The following SWT1 variants were observed in gnomAD, a reference collection of about 807,000 sequenced individuals.
The protein encoded by SWT1 is transcriptional protein SWT1.
SWT1 carries 33 observed loss-of-function variants against 107.3 expected under a neutral mutation model. The observed-to-expected ratio is 0.31, with a 90% CI of 0.23 to 0.41. SWT1 has a LOEUF of 0.41. SWT1 is among the 10% of genes least tolerant of loss of function. The pLI, the probability that SWT1 is intolerant of heterozygous loss-of-function variation, is 1.00. For synonymous variants in SWT1, 345 were observed against 348.3 expected (o/e 0.99, Z 0.11); for missense variants, 898 against 1,028.9 (o/e 0.87, Z 1.74).
chr1:185,200,309 C>G (rs553026689), intron 10 of SWT1, among the ~76,000 whole-genome samples: 25 of 152,132 alleles, frequency 1.6e-4, no homozygotes, highest in African/African-American at 5.3e-4. Context: ...AGTTGTGATC[C>G]TTTGGAGGAG....
intron 16 of SWT1, among the ~76,000 whole-genome samples, chr1:185,246,576 C>T (rs986754376): frequency 1.3e-5 from 2 of 149,598 alleles, no homozygotes; most frequent in African/African-American, 4.9e-5. Context: ...AGCACCTGGC[C>T]ATATCCTTTA....
intron 18 of SWT1, chr1:185,281,414 ATGAGACATCAAAGACACTACCG>A: frequency 4.4e-6 from 1 of 226,178 alleles, no homozygotes; most frequent in Non-Finnish European, 9.1e-6. Flanking sequence ...AACACTTGTT[ATGAGACATCAAAGACACTACCG>A]TGGGTACTCT....
In SWT1 at chr1:185,222,762, CAAAAAAA is replaced by C. The variant is rs59515070; in HGVS notation, c.2309+745_2309+751del. ...TGGGTGACAAAGCAAGACGCCATCT[CAAAAAAA>C]AAAAAAAAAAAAAAAAAATCAAAAG... is the stretch of plus-strand genomic sequence containing the variant. On this transcript the variant is annotated intron_variant, in intron 15 of 18. Coordinates refer to ENST00000367500, the MANE Select transcript of SWT1 (RefSeq NM_017673.7). Among the ~76,000 whole-genome samples the C allele has an allele frequency of 2.5e-3, 92 of 36,090 alleles. 1 individual carries two copies. In the South Asian group the frequency reaches 0.053, roughly 21 times the overall value. The allele number at this position is 36,090 out of a possible 152,430, so 23.7% of individuals were successfully genotyped here.
chr1:185,218,027 G>A (rs938063913), intron 14 of SWT1, among the ~76,000 whole-genome samples: 1 of 152,116 alleles, frequency 6.6e-6, no homozygotes, highest in Admixed American at 6.6e-5. Context: ...CACAAAACTA[G>A]TCCCAGTTGC....
At chr1:185,213,215 C>T (rs1359253790) in intron 13 of SWT1, among the ~76,000 whole-genome samples, 1 of 152,104 alleles carries the variant, frequency 6.6e-6, no homozygotes, top group Non-Finnish European at 1.5e-5. Context: ...GAAAAGCACC[C>T]TTAAAAGAAG....
intron 16 of SWT1, among the ~76,000 whole-genome samples, chr1:185,233,392 T>C (rs982326979): frequency 2.6e-5 from 4 of 152,224 alleles, no homozygotes; most frequent in Admixed American, 6.5e-5. Flanking sequence ...ATTGTGATGT[T>C]AGAGTGTCAA....
At chr1:185,211,667 A>G (rs1475063419) in intron 13 of SWT1, among the ~76,000 whole-genome samples, 1 of 152,210 alleles carries the variant, frequency 6.6e-6, no homozygotes, top group East Asian at 1.9e-4. Flanking sequence ...AGGGTTCTAG[A>G]ACTAGAAATA....
intron 15 of SWT1, among the ~76,000 whole-genome samples, chr1:185,228,886 T>C (rs1024009277): frequency 2.6e-5 from 4 of 152,044 alleles, no homozygotes; most frequent in African/African-American, 4.8e-5. Context: ...TACAAAGAGC[T>C]TGAAAGAACA....
rs1558005484 is a variant in SWT1, at chr1:185,166,656, AG to A, written c.165+5del. The A allele has an allele frequency of 6.4e-7, 1 of 1,562,204 alleles. No individual in the cohort carries two copies. The highest frequency in any genetic ancestry group is 2.2e-5 in the East Asian group (1 of 44,560). On this transcript the variant is annotated splice_donor_5th_base_variant and intron_variant, in intron 3 of 18. Transcript: ENST00000367500. ...TTCATCAGAAAAGAGAAAACTGGTG[AG>A]TGTCTAGATATAACTAACTAAAAGT...
intron 18 of SWT1, among the ~76,000 whole-genome samples, chr1:185,276,970 G>T (rs569428240): frequency 5.1e-4 from 78 of 152,010 alleles, no homozygotes; most frequent in Non-Finnish European, 1.3e-4. Flanking sequence ...AGCTATATTT[G>T]CTGTATTAAA....
chr1:185,277,616 C>G (rs1490248949), intron 18 of SWT1, among the ~76,000 whole-genome samples: 4 of 152,078 alleles, frequency 2.6e-5, no homozygotes, highest in Non-Finnish European at 5.9e-5. Flanking sequence ...ATGGAAATAG[C>G]TTTGACTTCT....
chr1:185,208,761 T>C (rs1658533982), intron 13 of SWT1, among the ~76,000 whole-genome samples: 1 of 146,828 alleles, frequency 6.8e-6, no homozygotes, highest in South Asian at 2.2e-4. Flanking sequence ...TTTTTTGATC[T>C]CCTAACATGA....
intron 16 of SWT1, chr1:185,257,947 A>C (rs1371537497): frequency 6.6e-6 from 1 of 152,240 alleles, no homozygotes; most frequent in Admixed American, 6.5e-5. Context: ...GAGTGGAGAA[A>C]GAACAAAGAA....
At chr1:185,163,646 G>A (rs1458143530) in intron 2 of SWT1, among the ~76,000 whole-genome samples, 2 of 152,050 alleles carry the variant, frequency 1.3e-5, no homozygotes, top group African/African-American at 2.4e-5. Context: ...TGCCTACGTC[G>A]GCCTCCCAAA....
At chr1:185,280,337 A>G (rs917447050) in intron 18 of SWT1, among the ~76,000 whole-genome samples, 4 of 152,084 alleles carry the variant, frequency 2.6e-5, no homozygotes, top group African/African-American at 9.7e-5. Flanking sequence ...TAAATTACCC[A>G]GTTTTGGGCA....
chr1:185,237,586 A>G (rs189582275), intron 16 of SWT1, among the ~76,000 whole-genome samples: 2 of 152,290 alleles, frequency 1.3e-5, no homozygotes, highest in East Asian at 3.9e-4. Context: ...ATTAGGAGAA[A>G]TACCTAATGT....
chr1:185,174,319 T>C, intron 4 of SWT1, 53 bp from the exon 5 acceptor site: 1 of 1,397,250 alleles, frequency 7.2e-7, no homozygotes, highest in Non-Finnish European at 9.5e-7. Context: ...AATGATAGAG[T>C]GCAACATTAT....
intron 10 of SWT1, among the ~76,000 whole-genome samples, chr1:185,193,523 G>C (rs1240118546): frequency 6.6e-6 from 1 of 151,048 alleles, no homozygotes; most frequent in Non-Finnish European, 1.5e-5. Flanking sequence ...CTGGAGTGAA[G>C]TGGTGCAATC....
chr1:185,169,577 T>C (rs910182778), intron 4 of SWT1, among the ~76,000 whole-genome samples: 2 of 152,026 alleles, frequency 1.3e-5, no homozygotes, highest in African/African-American at 4.8e-5. Flanking sequence ...TTTGAATACA[T>C]AGAAATGTAT....
Sources: allele counts gnomAD v4.1 joint callset (sites outside exome capture counted in the v4.1 genomes callset), GRCh38; gene constraint gnomAD v4.1.1; transcripts MANE v1.5; gene names NCBI Gene and HGNC (gene_info 2026-07-23, HGNC 2026-07-21).